RPGRIP1L: variants seen among roughly 807,000 people sequenced by gnomAD.
The protein encoded by RPGRIP1L is RPGRIP1 like.
A neutral mutation model predicts 160.4 loss-of-function variants in RPGRIP1L; 131 were observed. That is an observed-to-expected ratio of 0.82 (90% confidence interval 0.71 to 0.94). The LOEUF is 0.94. RPGRIP1L is among the 40% of genes least tolerant of loss of function. RPGRIP1L has a pLI of 0.00. For synonymous variants in RPGRIP1L, 510 were observed against 515.8 expected (o/e 0.99, Z 0.15); for missense variants, 1,522 against 1,535.8 (o/e 0.99, Z 0.15).
At chr16:53,646,506 A>C (rs1966557024) in intron 16 of RPGRIP1L, among the ~76,000 whole-genome samples, 1 of 152,230 alleles carries the variant, frequency 6.6e-6, no homozygotes, top group African/African-American at 2.4e-5. Context: ...GAACAGAGTC[A>C]GAGACAAACC....
Position 53,687,954 on chromosome 16 carries a change from G to C in RPGRIP1L, c.541C>G (p.Gln181Glu). 5.6e-6 allele frequency: 9 copies of C among 1,595,212 alleles called. No homozygotes were observed. Among genetic ancestry groups the C allele is most frequent in the Non-Finnish European group, 7.7e-6 (9 of 1,163,692 alleles). The change falls in exon 5 of 27, where the codon CAA becomes GAA. Residue 181 changes from glutamine to glutamate, a missense_variant. Coordinates refer to ENST00000647211, the MANE Select transcript of RPGRIP1L (RefSeq NM_015272.5). ...QECPRKGIKFQDADVAETPHP... is the reference protein window; with the variant it reads ...QECPRKGIKFEDADVAETPHP... The stretch of plus-strand genomic sequence containing the variant: ...GGAGTTTCTGCTACATCTGCATCTT[G>C]GAATTTTATACCTAAAAACAAAGTA...
chr16:53,685,857 CT>C (rs749423029), intron 6 of RPGRIP1L, among the ~76,000 whole-genome samples: 2 of 152,074 alleles, frequency 1.3e-5, no homozygotes, highest in African/African-American at 2.4e-5. Flanking sequence ...ACATGTACCC[CT>C]GAACTTAAAA....
intron 9 of RPGRIP1L, among the ~76,000 whole-genome samples, chr16:53,668,904 T>C (rs1290282885): frequency 6.6e-6 from 1 of 152,214 alleles, no homozygotes; most frequent in African/African-American, 2.4e-5. Context: ...GAGGGTTTTA[T>C]CTTCCCACAT....
chr16:53,607,876 T>TTTAAAAATTACTTTTAATTC, intron 25 of RPGRIP1L: 1 of 484,268 alleles, frequency 2.1e-6, no homozygotes. Context: ...AAAAGTAATT[T>TTTAAAAATTACTTTTAATTC]TTAAAAAATA....
chr16:53,695,599 T>G (rs550616880), intron 3 of RPGRIP1L: 2 of 583,224 alleles, frequency 3.4e-6, no homozygotes, highest in South Asian at 4.5e-5. Flanking sequence ...AAGAAATCAT[T>G]TTTGCCAAGA....
chr16:53,611,528 G>A (rs746558628), intron 24 of RPGRIP1L, among the ~76,000 whole-genome samples: 36 of 152,248 alleles, frequency 2.4e-4, no homozygotes, highest in Non-Finnish European at 4.8e-4. Context: ...ATTGGGTTGA[G>A]GAAATCCGCA....
At chr16:53,658,099 T>C (rs1435569836) in intron 12 of RPGRIP1L, among the ~76,000 whole-genome samples, 1 of 152,134 alleles carries the variant, frequency 6.6e-6, no homozygotes, top group Non-Finnish European at 1.5e-5. Context: ...ATGAGTTAAA[T>C]AGTGAAGCAG....
intron 24 of RPGRIP1L, among the ~76,000 whole-genome samples, chr16:53,611,448 C>T (rs1964030567): frequency 6.6e-6 from 1 of 152,202 alleles, no homozygotes; most frequent in Admixed American, 6.5e-5. Context: ...ACTGCTTGTC[C>T]TTCCTGACAG....
intron 26 of RPGRIP1L, among the ~76,000 whole-genome samples, chr16:53,603,363 C>G (rs1270661090): frequency 6.6e-6 from 1 of 152,154 alleles, no homozygotes; most frequent in Non-Finnish European, 1.5e-5. Flanking sequence ...GTATCTGGCT[C>G]TGTCACCCAG....
Position 53,619,208 on chromosome 16 carries a change from G to C in RPGRIP1L, c.3433C>G (p.Pro1145Ala). Residue 1145 changes from proline to alanine, a missense_variant and splice_region_variant, in exon 24 of 27, where the codon CCA (proline) becomes GCA (alanine). By Grantham distance (27) the Pro-to-Ala change is conservative. Coordinates refer to ENST00000647211, the MANE Select transcript of RPGRIP1L (RefSeq NM_015272.5). ...ATCTCAATCCGAATTTTTTCTGATG[G>C]CTGTTTAAAGAGCAAAAACAAAAAA... ...GITGACHHTQ[P>A]SEKIRIEIIA... 6.2e-7 allele frequency: 1 copy of C among 1,612,574 alleles called. No individual in the cohort carries two copies. Among genetic ancestry groups the C allele is most frequent in the Non-Finnish European group, 8.5e-7 (1 of 1,179,600 alleles).
intron 3 of RPGRIP1L, chr16:53,695,432 A>C (rs1478097438): frequency 2.8e-6 from 2 of 702,860 alleles, no homozygotes; most frequent in African/African-American, 3.5e-5. Flanking sequence ...TTCATTCTTC[A>C]ATGGTTGTCT....
chr16:53,627,927 TA>T (rs1489807854), intron 22 of RPGRIP1L, among the ~76,000 whole-genome samples: 3 of 152,234 alleles, frequency 2.0e-5, no homozygotes, highest in African/African-American at 7.2e-5. Flanking sequence ...AATATCCTTT[TA>T]TGTTACATTG....
At chr16:53,695,451 CTT>C in intron 3 of RPGRIP1L, 3 of 702,892 alleles carry the variant, frequency 4.3e-6, no homozygotes, top group Non-Finnish European at 7.8e-6. Flanking sequence ...CTCACCTTTT[CTT>C]TGAACCTAGA....
At chr16:53,668,245 G>A (rs188936282) in intron 9 of RPGRIP1L, among the ~76,000 whole-genome samples, 21 of 152,296 alleles carry the variant, frequency 1.4e-4, no homozygotes, top group Admixed American at 8.5e-4. Context: ...GTTTCTAGAA[G>A]GTTACAGGGC....
intron 23 of RPGRIP1L, among the ~76,000 whole-genome samples, chr16:53,620,969 CATCTT>C (rs1964672831): frequency 6.6e-6 from 1 of 152,004 alleles, no homozygotes; most frequent in Non-Finnish European, 1.5e-5. Context: ...ATAGCAATAA[CATCTT>C]ATACAACATT....
At chr16:53,616,489 A>G (rs1964384192) in intron 24 of RPGRIP1L, among the ~76,000 whole-genome samples, 1 of 152,158 alleles carries the variant, frequency 6.6e-6, no homozygotes, top group Non-Finnish European at 1.5e-5. Flanking sequence ...TATAACAGAT[A>G]TAAAACAACA....
Position 53,687,904 on chromosome 16 carries a change from G to A in RPGRIP1L, c.591C>T (p.Gly197=), listed in dbSNP as rs764003624. 6.2e-7 allele frequency: 1 copy of A among 1,611,526 alleles called. No homozygotes were observed. Among genetic ancestry groups the A allele is most frequent in the Non-Finnish European group, 8.5e-7 (1 of 1,178,076 alleles). Residue 197 remains glycine (G), a synonymous_variant, in exon 5 of 27, where the codon GGC becomes GGT. Transcript: ENST00000647211. ...CTCTGGCTTCTTCAAGTAAACTGTT[G>A]CCATATTTTGTAAACATGGGATGTG... The part of the protein sequence containing the change: ...ETPHPMFTKY[G]NSLLEEARGE...
chr16:53,613,547 C>T (rs1266881523), intron 24 of RPGRIP1L, among the ~76,000 whole-genome samples: 3 of 152,176 alleles, frequency 2.0e-5, no homozygotes, highest in African/African-American at 7.2e-5. Context: ...GAACTCCTGG[C>T]CTCAAGTGAT....
intron 24 of RPGRIP1L, among the ~76,000 whole-genome samples, chr16:53,617,099 A>T (rs1964429222): frequency 7.2e-6 from 1 of 139,556 alleles, no homozygotes; most frequent in Admixed American, 7.2e-5. Context: ...AAAAAAAAAA[A>T]GCACAACTAA....
Sources: allele counts gnomAD v4.1 joint callset (sites outside exome capture counted in the v4.1 genomes callset), GRCh38; gene constraint gnomAD v4.1.1; transcripts MANE v1.5; gene names NCBI Gene and HGNC (gene_info 2026-07-23, HGNC 2026-07-21).